The following GAL3ST2 variants were observed in gnomAD, a reference collection of about 807,000 sequenced individuals.
GAL3ST2 encodes the protein beta-galactose-3-O-sulfotransferase 2.
A neutral mutation model predicts 12.9 loss-of-function variants in GAL3ST2; 16 were observed. That is an observed-to-expected ratio of 1.24 (90% CI 0.84 to 1.88). The LOEUF is 1.88. Among genes scored for constraint, GAL3ST2 ranks in the 40% most tolerant of loss-of-function variants. The pLI is 0.00. For synonymous variants in GAL3ST2, 302 were observed against 273.9 expected (o/e 1.10, Z -1.01); for missense variants, 639 against 571.8 (o/e 1.12, Z -1.20).
At chr2:241,785,800 G>A (rs976228635) in intron 1 of GAL3ST2, among the ~76,000 whole-genome samples, 1 of 151,978 alleles carries the variant, frequency 6.6e-6, no homozygotes. Flanking sequence ...AAAGGACAAG[G>A]TCCTAGGAGA....
rs1699864952 is a variant in GAL3ST2, at chr2:241,802,411, T to C, written c.375+375T>C. 6.6e-6 allele frequency among the ~76,000 whole-genome samples: 1 copy of C among 152,002 alleles called. No homozygotes were observed. Among genetic ancestry groups the C allele is most frequent in the Admixed American group, 6.6e-5 (1 of 15,258 alleles). On this transcript the variant is annotated intron_variant, in intron 3 of 3. Transcript: ENST00000192314. The surrounding 1 kb of genome is among the most constrained non-coding windows in gnomAD (Gnocchi z 4.8). ...CTTGGGTCTCAGCATAGAGCCGGCT[T>C]CCCCCCAGGGCTTCCCTGACCTTCC...
At chr2:241,788,523 G>A (rs921969659) in intron 1 of GAL3ST2, among the ~76,000 whole-genome samples, 4 of 137,782 alleles carry the variant, frequency 2.9e-5, no homozygotes, top group East Asian at 2.0e-4. Flanking sequence ...GTGCATTTGT[G>A]CGAGGAACTG....
chr2:241,780,900 G>T (rs1280581984), intron 1 of GAL3ST2, among the ~76,000 whole-genome samples: 1 of 152,196 alleles, frequency 6.6e-6, no homozygotes, highest in Non-Finnish European at 1.5e-5. Flanking sequence ...GTAGACAAAA[G>T]TATGAGGCCA....
At position 241,801,908 on chromosome 2, in the gene GAL3ST2, G is replaced by A; in HGVS notation, c.247G>A (p.Ala83Thr). The change falls in exon 3 of 4, where the codon GCG becomes ACG. Residue 83 changes from alanine to threonine, a missense_variant. Physicochemically the swap from Ala to Thr is moderately conservative, Grantham distance 58. Transcript: ENST00000192314. This position sits in a 1 kb window ranked among gnomAD's most constrained non-coding sequence, Gnocchi z 4.4. ...CGCCGAGACCCACAACCTGTCCGTG[G>A]CGCTGCCCGCCGGCTCACGCGTCCA... ...RFAETHNLSV[A>T]LPAGSRVHLG... is the part of the protein sequence containing the mutation. 1 of 1,613,010 alleles carries A rather than the reference G, an allele frequency of 6.2e-7. No individual in the cohort carries two copies. Among genetic ancestry groups the A allele is most frequent in the East Asian group, 2.2e-5 (1 of 44,872 alleles).
In GAL3ST2 at chr2:241,793,491, ATAT is replaced by A. The variant is rs1368795346; in HGVS notation, c.30-5572_30-5570del. ...GTGTATGCATGTGTATTATATGTAC[ATAT>A]TGTGTATGTGTGTGTATATGTATGT... is the stretch of plus-strand genomic sequence containing the variant. On this transcript the variant is annotated intron_variant, in intron 1 of 3. Transcript: ENST00000192314. The surrounding 1 kb of genome is among the most constrained non-coding windows in gnomAD (Gnocchi z 4.7). Among the ~76,000 whole-genome samples the A allele has an allele frequency of 6.6e-6, 1 of 151,788 alleles. No homozygotes were observed. Among genetic ancestry groups the A allele is most frequent in the Non-Finnish European group, 1.5e-5 (1 of 67,978 alleles).
Position 241,803,878 on chromosome 2 carries a change from G to A in GAL3ST2, c.909G>A (p.Leu303=). ...QLRAELGPRR[L]RGEVERLRAR... ...GCGCCGAGCTGGGGCCGCGGCGGCT[G>A]CGCGGGGAGGTGGAGCGGCTGCGCG... The change falls in exon 4 of 4, where the codon CTG becomes CTA. Residue 303 remains leucine, a synonymous_variant. Transcript: ENST00000192314. 1.4e-6 allele frequency: 2 copies of A among 1,418,812 alleles called. No homozygotes were observed. Among genetic ancestry groups the A allele is most frequent in the Non-Finnish European group, 1.8e-6 (2 of 1,096,218 alleles). The allele number at this position is 1,418,812 out of a possible 1,614,324, so 87.9% of individuals were successfully genotyped here.
In GAL3ST2 at chr2:241,800,311, G is replaced by C. The variant is rs796362113; in HGVS notation, c.119+1157G>C. Reference sequence around the variant, plus strand: ...CCCACAGGCTGGGAGCACAGCCGCCGACCCAGGCTGGGAGCACAGCCGCCG... The same window carrying C: ...CCCACAGGCTGGGAGCACAGCCGCCCACCCAGGCTGGGAGCACAGCCGCCG... On this transcript the variant is annotated intron_variant, in intron 2 of 3. Coordinates refer to ENST00000192314, the MANE Select transcript of GAL3ST2 (RefSeq NM_022134.3). The surrounding 1 kb of genome is among the most constrained non-coding windows in gnomAD (Gnocchi z 5.2). 2.7e-5 allele frequency among the ~76,000 whole-genome samples: 4 copies of C among 150,244 alleles called. No individual in the cohort carries two copies. Among genetic ancestry groups the C allele is most frequent in the African/African-American group, 9.8e-5 (4 of 40,918 alleles).
In GAL3ST2 at chr2:241,803,663, G is replaced by A. The variant is rs756172955; in HGVS notation, c.694G>A (p.Glu232Lys). 1.8e-4 allele frequency: 275 copies of A among 1,549,264 alleles called. No individual in the cohort carries two copies. The highest frequency in any genetic ancestry group is 8.4e-4 in the Middle Eastern group (5 of 5,978). ...GGTGCTCATCGCCGAGCACCTGGAC[G>A]AGTCCCTGGTGCTGCTGCGGCGCCG... ...RLVLIAEHLD[E>K]SLVLLRRRLR... is the part of the protein sequence containing the mutation. Residue 232 changes from glutamate to lysine, a missense_variant, in exon 4 of 4, where the codon GAG (glutamate) becomes AAG (lysine). Coordinates refer to ENST00000192314, the MANE Select transcript of GAL3ST2 (RefSeq NM_022134.3).
chr2:241,778,151 C>T (rs768391716), intron 1 of GAL3ST2, among the ~76,000 whole-genome samples: 4 of 152,236 alleles, frequency 2.6e-5, no homozygotes, highest in Non-Finnish European at 4.4e-5. Context: ...TTCCCCACAG[C>T]CCTGGACAGC....
rs1465026077 is a variant in GAL3ST2 at position 241,802,117 on chromosome 2, G to A, written c.375+81G>A. 2.0e-6 allele frequency: 3 copies of A among 1,479,716 alleles called. No homozygotes were observed. The highest frequency in any genetic ancestry group is 2.7e-6 in the Non-Finnish European group (3 of 1,102,298). The allele number at this position is 1,479,716 out of a possible 1,614,324, so 91.7% of individuals were successfully genotyped here. A position where few individuals can be genotyped will look rare whatever the true frequency, so the allele number is the denominator to read the frequency against. On this transcript the variant is annotated intron_variant, in intron 3 of 3. Coordinates refer to ENST00000192314, the MANE Select transcript of GAL3ST2 (RefSeq NM_022134.3). This position sits in a 1 kb window ranked among gnomAD's most constrained non-coding sequence, Gnocchi z 4.8. ...GTCTGGGTGGTGTAGCCTGGAGGCT[G>A]GAGAGAAGGAGTGTAAGGCTTGGGG... is the stretch of plus-strand genomic sequence containing the variant.
Position 241,799,095 on chromosome 2 carries a change from G to C in GAL3ST2, c.60G>C (p.Leu20=). ...TCCGGGTCATCCTCCTCCTCCTCCT[G>C]GCCCTGACTCTGCTCCTGCTGGCCG... is the stretch of plus-strand genomic sequence containing the variant. ...RYFRVILLLL[L]ALTLLLLAGF... Residue 20 remains leucine (L), a synonymous_variant, in exon 2 of 4, where the codon CTG becomes CTC. Coordinates refer to ENST00000192314, the MANE Select transcript of GAL3ST2 (RefSeq NM_022134.3). 1 of 1,613,698 alleles carries C rather than the reference G, an allele frequency of 6.2e-7. No individual in the cohort carries two copies. Among genetic ancestry groups the C allele is most frequent in the Non-Finnish European group, 8.5e-7 (1 of 1,180,016 alleles).
Position 241,803,483 on chromosome 2 carries a change from G to C in GAL3ST2, c.514G>C (p.Ala172Pro). 1.9e-6 allele frequency: 3 copies of C among 1,611,578 alleles called. No homozygotes were observed. Among genetic ancestry groups the C allele is most frequent in the Non-Finnish European group, 2.5e-6 (3 of 1,179,334 alleles). The change falls in exon 4 of 4, where the codon GCC (alanine) becomes CCC (proline). Residue 172 changes from alanine to proline, a missense_variant. Coordinates refer to ENST00000192314, the MANE Select transcript of GAL3ST2 (RefSeq NM_022134.3). ...CGCCCCGAGCCTGGACGCGTTCCTGGCCTCGCCGCGGACGTTCTACAACGA... is the reference window on the plus strand; with the variant it reads ...CGCCCCGAGCCTGGACGCGTTCCTGCCCTCGCCGCGGACGTTCTACAACGA... Reference protein sequence around the residue: ...RGAPSLDAFLASPRTFYNDSR... With the variant: ...RGAPSLDAFLPSPRTFYNDSR...
rs1699852993 is a variant in GAL3ST2, at chr2:241,801,826, G to A, written c.165G>A (p.Met55Ile). ...QAEGPPVTNIMFLKTHKTASS... is the reference protein window; with the variant it reads ...QAEGPPVTNIIFLKTHKTASS... ...AGGGGCCGCCGGTCACCAACATCAT[G>A]TTCCTGAAGACGCACAAGACGGCCA... Residue 55 changes from methionine to isoleucine, a missense_variant, in exon 3 of 4, where the codon ATG becomes ATA. By Grantham distance (10) the Met-to-Ile change is conservative. Coordinates refer to ENST00000192314, the MANE Select transcript of GAL3ST2 (RefSeq NM_022134.3). The surrounding 1 kb of genome is among the most constrained non-coding windows in gnomAD (Gnocchi z 4.4). The A allele has an allele frequency of 6.2e-7, 1 of 1,612,806 alleles. No homozygotes were observed. Among genetic ancestry groups the A allele is most frequent in the East Asian group, 2.2e-5 (1 of 44,894 alleles).
rs1322270019 is a variant in GAL3ST2, at chr2:241,803,510, A to AGCC, written c.545_547dup (p.Arg182dup). 6.2e-7 allele frequency: 1 copy of AGCC among 1,611,246 alleles called. No homozygotes were observed. Among genetic ancestry groups the AGCC allele is most frequent in the East Asian group, 2.2e-5 (1 of 44,856 alleles). ...CTCGCCGCGGACGTTCTACAACGACAGCCGCCACCTCAGGAACGTCTACGC... is the reference window on the plus strand; with the variant it reads ...CTCGCCGCGGACGTTCTACAACGACAGCCGCCGCCACCTCAGGAACGTCTACGC... On this transcript the variant is annotated inframe_insertion, in exon 4 of 4. Transcript: ENST00000192314.
chr2:241,794,153 A>T (rs942211361), intron 1 of GAL3ST2, among the ~76,000 whole-genome samples: 17 of 151,928 alleles, frequency 1.1e-4, no homozygotes, highest in Admixed American at 1.0e-3. Context: ...TCACTATACC[A>T]CCTAGGCTGG....
chr2:241,803,780 C>A lies in GAL3ST2; in HGVS notation c.811C>A (p.Arg271Ser). ...VARLSPETRE[R>S]ARSWCALDWR... ...CCGCCTGTCGCCCGAGACCCGGGAG[C>A]GCGCGCGGAGCTGGTGCGCGCTGGA... Residue 271 changes from arginine to serine, a missense_variant, in exon 4 of 4, where the codon CGC becomes AGC. Coordinates refer to ENST00000192314, the MANE Select transcript of GAL3ST2 (RefSeq NM_022134.3). 1.3e-6 allele frequency: 2 copies of A among 1,505,324 alleles called. No individual in the cohort carries two copies. The highest frequency in any genetic ancestry group is 1.8e-6 in the Non-Finnish European group (2 of 1,133,828). 93.2% of individuals were successfully genotyped at this position (1,505,324 alleles called of 1,614,324 possible).
intron 1 of GAL3ST2, among the ~76,000 whole-genome samples, chr2:241,798,649 T>C (rs1006115856): frequency 2.0e-5 from 3 of 152,122 alleles, no homozygotes; most frequent in African/African-American, 7.2e-5. Flanking sequence ...CACAGTCCAT[T>C]GCACCAAACT....
chr2:241,779,434 C>T (rs748369649), intron 1 of GAL3ST2, among the ~76,000 whole-genome samples: 11 of 150,554 alleles, frequency 7.3e-5, no homozygotes, highest in African/African-American at 1.7e-4. Flanking sequence ...GGGGTTTCAC[C>T]GTGTTAGCCA....
intron 1 of GAL3ST2, among the ~76,000 whole-genome samples, chr2:241,797,375 T>C (rs73011977): frequency 0.099 from 15,017 of 152,336 alleles, 1,006 homozygotes; most frequent in Non-Finnish European, 0.15. Flanking sequence ...AGAATTTTTC[T>C]GGCCATCACT....
Sources: allele counts gnomAD v4.1 joint callset (sites outside exome capture counted in the v4.1 genomes callset), GRCh38; gene constraint gnomAD v4.1.1; non-coding constraint Gnocchi (gnomAD v3.1); transcripts MANE v1.5; gene names NCBI Gene and HGNC (gene_info 2026-07-23, HGNC 2026-07-21).